COL5A2: variants seen among roughly 807,000 people sequenced by gnomAD.
The protein encoded by COL5A2 is collagen alpha-2(V) chain.
COL5A2 carries 23 observed loss-of-function variants against 208.2 expected under a neutral mutation model. That is an observed-to-expected ratio of 0.11 (90% CI 0.08 to 0.16). The LOEUF is 0.16. COL5A2 is among the 10% of genes least tolerant of loss of function. The pLI is 1.00. For missense variants in COL5A2, 1,590 were observed against 1,956.4 expected (o/e 0.81, Z 3.53); for synonymous variants, 625 against 628.5 (o/e 0.99, Z 0.08).
chr2:189,064,798 C>T, intron 24 of COL5A2, 143 bp from the exon 25 acceptor site: 2 of 832,362 alleles, frequency 2.4e-6, no homozygotes, highest in Non-Finnish European at 2.0e-6. Flanking sequence ...AATTTTGTCA[C>T]CACATTCCGC....
At chr2:189,302,739 G>A in the COL5A2 span, among the ~76,000 whole-genome samples, 2 of 152,096 alleles carry the variant, frequency 1.3e-5, no homozygotes, top group Admixed American at 6.6e-5. Flanking sequence ...AAGCCCAAAC[G>A]TTGACTCATC....
At chr2:189,438,684 G>C in the COL5A2 span, among the ~76,000 whole-genome samples, 3 of 152,168 alleles carry the variant, frequency 2.0e-5, no homozygotes, top group Non-Finnish European at 2.9e-5. Flanking sequence ...GGAGGGGAAG[G>C]AGAAATACTG....
At chr2:189,134,803 G>A (rs1246160078) in intron 1 of COL5A2, among the ~76,000 whole-genome samples, 1 of 152,050 alleles carries the variant, frequency 6.6e-6, no homozygotes, top group Non-Finnish European at 1.5e-5. Context: ...TCTTAAGCTT[G>A]GCTAAAATCA....
intron 31 of COL5A2, 64 bp from the exon 32 acceptor site, chr2:189,058,957 CT>C: frequency 7.2e-7 from 1 of 1,388,558 alleles, no homozygotes; most frequent in Non-Finnish European, 1.0e-6. Flanking sequence ...TATCAGAAAA[CT>C]TTCCAGTTCA....
intron 1 of COL5A2, among the ~76,000 whole-genome samples, chr2:189,222,086 T>A (rs1197681323): frequency 1.3e-5 from 2 of 152,224 alleles, no homozygotes; most frequent in Admixed American, 6.5e-5. Context: ...AACATTATTT[T>A]AGTTGATTCA....
chr2:189,360,861 C>A, the COL5A2 span, among the ~76,000 whole-genome samples: 1 of 151,984 alleles, frequency 6.6e-6, no homozygotes, highest in East Asian at 1.9e-4. Flanking sequence ...TAAGTGAGAA[C>A]ATGCAGTGTT....
the COL5A2 span, among the ~76,000 whole-genome samples, chr2:189,262,734 T>G: frequency 7.1e-3 from 1,073 of 152,076 alleles, 23 homozygotes; most frequent in Non-Finnish European, 7.1e-3. Flanking sequence ...AATAAGAAAT[T>G]TAAAAGGAAT....
At chr2:189,075,227 T>C (rs1254209555) in intron 17 of COL5A2, among the ~76,000 whole-genome samples, 166 bp downstream of exon 17, 2 of 152,182 alleles carry the variant, frequency 1.3e-5, no homozygotes, top group African/African-American at 4.8e-5. Flanking sequence ...AATATTAATA[T>C]CTCTCTCTTC....
intron 2 of COL5A2, among the ~76,000 whole-genome samples, 191 bp downstream of exon 2, chr2:189,110,034 G>T (rs1202412350): frequency 1.3e-5 from 2 of 152,144 alleles, no homozygotes; most frequent in Non-Finnish European, 2.9e-5. Context: ...TAAGAAGACA[G>T]GAAATTACTG....
At chr2:189,076,085 T>G (rs1686399164) in intron 16 of COL5A2, among the ~76,000 whole-genome samples, 1 of 152,198 alleles carries the variant, frequency 6.6e-6, no homozygotes, top group African/African-American at 2.4e-5. Context: ...TTGACTGAGA[T>G]CTCTGTTGCA....
chr2:189,219,883 C>G (rs936665299), intron 1 of COL5A2, among the ~76,000 whole-genome samples: 33 of 146,572 alleles, frequency 2.3e-4, no homozygotes, highest in African/African-American at 6.3e-4. Flanking sequence ...GCCCCCCCCC[C>G]ACTCTTAGAA....
chr2:189,188,908 C>A (rs1351423821), intron 1 of COL5A2, among the ~76,000 whole-genome samples: 1 of 152,192 alleles, frequency 6.6e-6, no homozygotes, highest in South Asian at 2.1e-4. Context: ...CATATTTAGT[C>A]CATCAGTATT....
the COL5A2 span, among the ~76,000 whole-genome samples, chr2:189,351,761 A>G: frequency 6.6e-6 from 1 of 152,210 alleles, no homozygotes; most frequent in Non-Finnish European, 1.5e-5. Flanking sequence ...GGAAGAAAAA[A>G]GGAAGCAGAA....
intron 8 of COL5A2, 134 bp from the exon 9 acceptor site, chr2:189,086,904 G>A: frequency 4.0e-6 from 3 of 741,054 alleles, no homozygotes; most frequent in Non-Finnish European, 7.0e-6. Flanking sequence ...TTCTCCATCT[G>A]TACTCATTTG....
At chr2:189,286,546 G>A in the COL5A2 span, among the ~76,000 whole-genome samples, 3 of 152,060 alleles carry the variant, frequency 2.0e-5, no homozygotes, top group Admixed American at 6.6e-5. Flanking sequence ...AAAACGGGAG[G>A]TGGTCAGACT....
the COL5A2 span, among the ~76,000 whole-genome samples, chr2:189,420,067 AG>A: frequency 9.1e-6 from 1 of 110,296 alleles, no homozygotes; most frequent in Non-Finnish European, 1.8e-5. Context: ...GAAGGAAGGA[AG>A]GGAGGGAGGG....
chr2:189,172,047 C>G (rs774490984), intron 1 of COL5A2, among the ~76,000 whole-genome samples: 6 of 152,158 alleles, frequency 3.9e-5, no homozygotes, highest in Non-Finnish European at 7.3e-5. Context: ...GAATATCACA[C>G]ATTTTAATCC....
chr2:189,085,663 T>G, intron 10 of COL5A2, 56 bp downstream of exon 10: 1 of 1,417,922 alleles, frequency 7.1e-7, no homozygotes, highest in Non-Finnish European at 1.0e-6. Flanking sequence ...ATATTTGACA[T>G]CATTATAATG....
chr2:189,362,601 A>G, the COL5A2 span, among the ~76,000 whole-genome samples: 1 of 152,010 alleles, frequency 6.6e-6, no homozygotes, highest in Non-Finnish European at 1.5e-5. Flanking sequence ...TTTATTTATA[A>G]TTTTCCTGGC....
Sources: allele counts gnomAD v4.1 joint callset (sites outside exome capture counted in the v4.1 genomes callset), GRCh38; gene constraint gnomAD v4.1.1; transcripts MANE v1.5; gene names NCBI Gene and HGNC (gene_info 2026-07-23, HGNC 2026-07-21).